USH1C: variants seen among roughly 807,000 people sequenced by gnomAD.
The protein encoded by USH1C is USH1 protein network component harmonin, also known as harmonin.
Under a neutral mutation model 119.3 loss-of-function variants are expected in USH1C, and 90 were observed. That is an observed-to-expected ratio of 0.75 (90% CI 0.64 to 0.90). The LOEUF is 0.90. Ranked by LOEUF, USH1C falls within the 40% of genes least tolerant of loss-of-function variation. USH1C has a pLI of 0.00. For synonymous variants in USH1C, 465 were observed against 443.3 expected (o/e 1.05, Z -0.62); for missense variants, 1,165 against 1,167.7 (o/e 1.00, Z 0.03).
Position 17,526,762 on chromosome 11 carries a change from C to T in USH1C, c.570G>A (p.Ser190=), listed in dbSNP as rs756709989. ...LTWQYVDQFV[S]ESGGVRGSLG... is the part of the protein sequence containing the mutation. ...GAGGTCTGGCCCTTACCCCAGATTC[C>T]GACACAAACTGATCCACATACTGCC... Residue 190 remains serine (S), a synonymous_variant, in exon 7 of 27, where the codon TCG becomes TCA. Transcript: ENST00000005226. The T allele has an allele frequency of 2.4e-5, 39 of 1,613,958 alleles. No individual in the cohort carries two copies. The highest frequency in any genetic ancestry group is 1.7e-4 in the Admixed American group (10 of 60,000).
At chr11:17,530,391 T>C (rs1256183990) in intron 4 of USH1C, among the ~76,000 whole-genome samples, 1 of 151,400 alleles carries the variant, frequency 6.6e-6, no homozygotes, top group African/African-American at 2.5e-5. Flanking sequence ...GAGACCCAGT[T>C]AGTTTCTAAT....
At chr11:17,528,052 A>G (rs1429886666) in intron 4 of USH1C, among the ~76,000 whole-genome samples, 1 of 152,198 alleles carries the variant, frequency 6.6e-6, no homozygotes, top group Non-Finnish European at 1.5e-5. Flanking sequence ...AGTCTCTTGA[A>G]CTGTCTGAAC....
rs146191588 is a variant in USH1C at position 17,509,531 on chromosome 11, G to T, written c.1838C>A (p.Thr613Asn). 3.1e-6 allele frequency: 5 copies of T among 1,608,614 alleles called. No homozygotes were observed. The African/African-American group carries it at 5.4e-5, about 17-fold the overall frequency. Reference sequence around the variant, plus strand: ...TGGGCGGGTGGGAGTGAGGTCTTGGGTGGGAACGGATGGCGGGGGAGGGAT... The same window carrying T: ...TGGGCGGGTGGGAGTGAGGTCTTGGTTGGGAACGGATGGCGGGGGAGGGAT... The part of the protein sequence containing the change: ...IPIPPPPSVP[T>N]QDLTPTRPLP... Residue 613 changes from threonine to asparagine, a missense_variant, in exon 18 of 27, where the codon ACC becomes AAC. Transcript: ENST00000005226.
At chr11:17,536,501 T>C (rs1043314532) in intron 1 of USH1C, among the ~76,000 whole-genome samples, 1 of 152,208 alleles carries the variant, frequency 6.6e-6, no homozygotes, top group Non-Finnish European at 1.5e-5. Flanking sequence ...GAGATGGTCT[T>C]GGTGGAAAGG....
At chr11:17,494,613 G>T in intron 26 of USH1C, 1 of 594,480 alleles carries the variant, frequency 1.7e-6, no homozygotes, top group South Asian at 1.9e-5. Context: ...GGAGGAGACT[G>T]GGAGGAACAG....
At chr11:17,539,997 A>G (rs192210631) in intron 1 of USH1C, among the ~76,000 whole-genome samples, 50 of 151,804 alleles carry the variant, frequency 3.3e-4, no homozygotes, top group Admixed American at 1.3e-3. Flanking sequence ...ACACCTGGCT[A>G]ATTTTTGTAT....
intron 14 of USH1C, chr11:17,517,484 GA>G: frequency 6.3e-7 from 1 of 1,584,906 alleles, no homozygotes; most frequent in Non-Finnish European, 8.6e-7. Flanking sequence ...TCTACCCAGG[GA>G]AAAGAGGAGG....
At chr11:17,507,313 T>C (rs1849689556) in intron 18 of USH1C, among the ~76,000 whole-genome samples, 1 of 152,240 alleles carries the variant, frequency 6.6e-6, no homozygotes, top group Non-Finnish European at 1.5e-5. Context: ...TTGTGACATT[T>C]ATAGTCCAGT....
intron 26 of USH1C, 109 bp from the exon 27 acceptor site, chr11:17,494,485 G>A: frequency 2.3e-6 from 3 of 1,291,310 alleles, no homozygotes; most frequent in Admixed American, 2.0e-5. Flanking sequence ...GCAGCACAAG[G>A]CCCTGCCACC....
At chr11:17,542,960 C>T (rs1048358120) in intron 1 of USH1C, among the ~76,000 whole-genome samples, 2 of 152,206 alleles carry the variant, frequency 1.3e-5, no homozygotes, top group Non-Finnish European at 2.9e-5. Context: ...ACCTTGTTTT[C>T]AGGAGCCTTC....
intron 15 of USH1C, among the ~76,000 whole-genome samples, 174 bp downstream of exon 15, chr11:17,516,067 C>T (rs544372054): frequency 9.2e-5 from 14 of 152,324 alleles, no homozygotes; most frequent in Non-Finnish European, 2.9e-5. Flanking sequence ...GCCTTTGCAA[C>T]AGCACCCTGC....
intron 14 of USH1C, 56 bp from the exon 15 acceptor site, chr11:17,516,346 C>A: frequency 6.4e-7 from 1 of 1,563,502 alleles, no homozygotes; most frequent in Non-Finnish European, 8.8e-7. Flanking sequence ...CCAGAGCATC[C>A]ATGGGCAGCA....
At chr11:17,543,462 CTTGGTGGGGAAG>C (rs371770592) in intron 1 of USH1C, among the ~76,000 whole-genome samples, 3,923 of 152,248 alleles carry the variant, frequency 0.026, 97 homozygotes, top group Non-Finnish European at 0.04. Flanking sequence ...CATCCTAAGA[CTTGGTGGGGAAG>C]TAGGCTGGAT....
intron 16 of USH1C, among the ~76,000 whole-genome samples, chr11:17,511,505 A>G (rs1032235379): frequency 6.6e-6 from 1 of 152,204 alleles, no homozygotes; most frequent in Admixed American, 6.5e-5. Context: ...GGAGAGGCCC[A>G]GCCTTAGACT....
Position 17,544,391 on chromosome 11 carries a change from C to T in USH1C, c.-84G>A. On this transcript the variant is annotated 5_prime_UTR_variant, in exon 1 of 27. Transcript: ENST00000005226. ...CAGGAGCTGGAAAGAGCCGCGACCG[C>T]GACCGGGCCAGCCGCCCTCGGAGCT... is the stretch of plus-strand genomic sequence containing the variant. The T allele has an allele frequency of 1.9e-6, 3 of 1,597,310 alleles. No individual in the cohort carries two copies. Among genetic ancestry groups the T allele is most frequent in the Non-Finnish European group, 2.6e-6 (3 of 1,168,970 alleles).
intron 14 of USH1C, chr11:17,517,539 G>T: frequency 6.7e-7 from 1 of 1,503,264 alleles, no homozygotes; most frequent in Non-Finnish European, 9.0e-7. Flanking sequence ...AGAGGCCGGA[G>T]AACCTTCTCA....
At position 17,522,945 on chromosome 11, in the gene USH1C, C is replaced by T; in HGVS notation, c.877-19G>A. On this transcript the variant is annotated intron_variant, in intron 11 of 26. Coordinates refer to ENST00000005226, the MANE Select transcript of USH1C (RefSeq NM_153676.4). Reference sequence around the variant, plus strand: ...CCCGGCCCTCATGGGAGAAAAGAGGCCCCTTGCTCAGCCCCCGGGGAACCT... The same window carrying T: ...CCCGGCCCTCATGGGAGAAAAGAGGTCCCTTGCTCAGCCCCCGGGGAACCT... 6.2e-7 allele frequency: 1 copy of T among 1,606,716 alleles called. No individual in the cohort carries two copies. Among genetic ancestry groups the T allele is most frequent in the East Asian group, 2.2e-5 (1 of 44,588 alleles).
chr11:17,511,510 T>C (rs576358562), intron 16 of USH1C, among the ~76,000 whole-genome samples: 1 of 152,246 alleles, frequency 6.6e-6, no homozygotes, highest in Admixed American at 6.5e-5. Context: ...GGCCCAGCCT[T>C]AGACTCTGGT....
intron 20 of USH1C, among the ~76,000 whole-genome samples, chr11:17,502,834 G>C (rs1849497840): frequency 6.6e-6 from 1 of 152,190 alleles, no homozygotes. Context: ...AGGATGCTAA[G>C]CACAAGGGCA....
Sources: allele counts gnomAD v4.1 joint callset (sites outside exome capture counted in the v4.1 genomes callset), GRCh38; gene constraint gnomAD v4.1.1; transcripts MANE v1.5; gene names NCBI Gene and HGNC (gene_info 2026-07-23, HGNC 2026-07-21).